The following PRDM10 variants were observed in gnomAD, a reference collection of about 807,000 sequenced individuals.
PRDM10 encodes PR/SET domain 10, also known as PR domain zinc finger protein 10.
A neutral mutation model predicts 133.1 loss-of-function variants in PRDM10; 65 were observed. The observed-to-expected ratio is 0.49, with a 90% CI of 0.40 to 0.60. The LOEUF (loss-of-function observed/expected upper bound fraction) is 0.60, where lower values mean the gene tolerates loss of function less well. PRDM10 is among the 20% of genes least tolerant of loss of function. The probability of loss-of-function intolerance (pLI) is 0.00; values close to 1 mark genes in which losing one functional copy is unlikely to be tolerated. For synonymous variants in PRDM10, 582 were observed against 580.4 expected (o/e 1.00, Z -0.04); for missense variants, 1,137 against 1,507.1 (o/e 0.75, Z 4.07).
intron 1 of PRDM10, among the ~76,000 whole-genome samples, chr11:130,000,975 T>C (rs1939331561): frequency 6.6e-6 from 1 of 152,194 alleles, no homozygotes; most frequent in Admixed American, 6.5e-5. Flanking sequence ...GGCGTGGTGG[T>C]GCACGCCTGT....
intron 1 of PRDM10, among the ~76,000 whole-genome samples, chr11:129,995,489 T>A (rs1591709129): frequency 6.6e-6 from 1 of 152,322 alleles, no homozygotes; most frequent in East Asian, 1.9e-4. Flanking sequence ...GTTAAAGGAA[T>A]GATAGCTAGT....
intron 3 of PRDM10, 57 bp from the exon 4 acceptor site, chr11:129,955,628 C>A: frequency 6.4e-7 from 1 of 1,554,054 alleles, no homozygotes; most frequent in South Asian, 1.1e-5. Flanking sequence ...CCTGCCTACA[C>A]AGAAAAATTA....
At chr11:129,998,115 C>G (rs990417365) in intron 1 of PRDM10, among the ~76,000 whole-genome samples, 3 of 151,940 alleles carry the variant, frequency 2.0e-5, no homozygotes, top group African/African-American at 7.3e-5. Flanking sequence ...TGCATTTTAC[C>G]CAGTCTATTC....
Position 129,925,232 on chromosome 11 carries a change from G to C in PRDM10, c.1531-3C>G. On this transcript the variant is annotated splice_polypyrimidine_tract_variant and splice_region_variant and intron_variant, in intron 11 of 20. Coordinates refer to ENST00000360871, the MANE Select transcript of PRDM10 (RefSeq NM_199437.2). ...AACAGATGCTGAAGAGCTGCATTCT[G>C]AAAGACATACACAAATGTGATCATT... The C allele has an allele frequency of 6.2e-7, 1 of 1,600,312 alleles. No individual in the cohort carries two copies.
chr11:129,990,522 CAAAAAAAAAAAAAA>C (rs59217112), intron 1 of PRDM10, among the ~76,000 whole-genome samples: 1 of 67,084 alleles, frequency 1.5e-5, no homozygotes, highest in Admixed American at 1.6e-4. Context: ...ACTTTGTCTC[CAAAAAAAAAAAAAA>C]AAAAAAAAAG....
In PRDM10 at chr11:129,925,007, A is replaced by G; in HGVS notation, c.1753T>C (p.Ser585Pro). The G allele has an allele frequency of 6.2e-7, 1 of 1,614,192 alleles. No individual in the cohort carries two copies. Among genetic ancestry groups the G allele is most frequent in the Non-Finnish European group, 8.5e-7 (1 of 1,180,024 alleles). ...MKLHSDQKTY[S>P]CIFCPESFDR... ...AAGGATTCTGGGCAAAAAATGCAAG[A>G]GTAAGTCTTCTGGTCTGAGTGGAGC... The change falls in exon 12 of 21, where the codon TCT becomes CCT. Residue 585 changes from serine to proline, a missense_variant. This residue lies in a region of PRDM10 where 635 missense variants were observed against 835.2 expected (regional missense o/e 0.76). Coordinates refer to ENST00000360871, the MANE Select transcript of PRDM10 (RefSeq NM_199437.2).
chr11:129,990,005 C>T (rs944918119), intron 1 of PRDM10, among the ~76,000 whole-genome samples: 4 of 151,546 alleles, frequency 2.6e-5, no homozygotes, highest in African/African-American at 9.7e-5. Flanking sequence ...GAGTTCGAGA[C>T]CAGCCTCAGC....
chr11:129,988,365 CTATT>C (rs1186547642), intron 1 of PRDM10, among the ~76,000 whole-genome samples: 2 of 151,978 alleles, frequency 1.3e-5, no homozygotes, highest in Admixed American at 1.3e-4. Context: ...AAATTTTTAT[CTATT>C]TATTTGAGAC....
intron 7 of PRDM10, 137 bp from the exon 8 acceptor site, chr11:129,937,807 T>C (rs1951080630): frequency 4.4e-6 from 3 of 676,572 alleles, no homozygotes; most frequent in East Asian, 5.9e-5. Context: ...AAGATCATGC[T>C]GTGAGCTCCC....
chr11:129,970,545 C>CT (rs35299145), intron 1 of PRDM10, among the ~76,000 whole-genome samples: 8,725 of 143,546 alleles, frequency 0.061, 549 homozygotes, highest in East Asian at 0.36. Context: ...CATACCCAAC[C>CT]TTTTTTTTTT....
chr11:129,968,248 T>C (rs1022593325), intron 1 of PRDM10, among the ~76,000 whole-genome samples: 3 of 152,222 alleles, frequency 2.0e-5, no homozygotes, highest in African/African-American at 7.2e-5. Flanking sequence ...CACGTCATTA[T>C]TGATATGGAA....
chr11:129,957,694 AATTGGTTAATTAGTTAATTGAC>A, intron 3 of PRDM10, 30 bp downstream of exon 3: 2 of 1,561,892 alleles, frequency 1.3e-6, no homozygotes, highest in Non-Finnish European at 8.7e-7. Context: ...AAACACAAGT[AATTGGTTAATTAGTTAATTGAC>A]AAATTATCAA....
rs1423759803 is a variant in PRDM10, at chr11:129,914,979, A to T, written c.2566T>A (p.Phe856Ile). Residue 856 changes from phenylalanine (F) to isoleucine (I), a missense_variant, in exon 17 of 21, where the codon TTC becomes ATC. This residue lies in a region of PRDM10 where 113 missense variants were observed against 143.7 expected (regional missense o/e 0.79). Transcript: ENST00000360871. ...TGTATGGTGTTGGAGAGCTGGGCGA[A>T]CTCTGGATGCTTCTTTCGAATGTGC... Reference protein sequence around the residue: ...VQHIRKKHPEFAQLSNTIHTP... With the variant: ...VQHIRKKHPEIAQLSNTIHTP... 3.7e-6 allele frequency: 6 copies of T among 1,606,044 alleles called. No individual in the cohort carries two copies. Among genetic ancestry groups the T allele is most frequent in the Non-Finnish European group, 5.1e-6 (6 of 1,173,182 alleles).
intron 1 of PRDM10, among the ~76,000 whole-genome samples, chr11:129,989,569 T>C (rs528603409): frequency 4.3e-4 from 65 of 152,280 alleles, no homozygotes; most frequent in African/African-American, 1.5e-3. Flanking sequence ...TTATGTGGCC[T>C]GAAAAGCTTT....
rs1555100178 is a variant in PRDM10, at chr11:129,900,348, A to AAGAAGG, written c.*1964_*1965insCCTTCT. On this transcript the variant is annotated 3_prime_UTR_variant, in exon 21 of 21. Coordinates refer to ENST00000360871, the MANE Select transcript of PRDM10 (RefSeq NM_199437.2). ...TCTTTATTTCACTTAAGGACCAAAG[A>AAGAAGG]AGAAGAAGAAGAAGAAGAAGAAGAA... 8.9e-6 allele frequency: 1 copy of AAGAAGG among 112,958 alleles called. No individual in the cohort carries two copies. Among genetic ancestry groups the AAGAAGG allele is most frequent in the African/African-American group, 4.0e-5 (1 of 24,810 alleles). The allele number at this position is 112,958 out of a possible 1,614,324, so 7.0% of individuals were successfully genotyped here. A position where few individuals can be genotyped will look rare whatever the true frequency, so the allele number is the denominator to read the frequency against.
chr11:129,999,864 C>CA (rs1284169148), intron 1 of PRDM10, among the ~76,000 whole-genome samples: 1 of 152,144 alleles, frequency 6.6e-6, no homozygotes, highest in Admixed American at 6.5e-5. Context: ...GCCCAATCAT[C>CA]AGCAAAGTCT....
chr11:129,915,722 T>C lies in PRDM10; in HGVS notation c.2464A>G (p.Thr822Ala). Residue 822 changes from threonine (T) to alanine (A), a missense_variant, in exon 16 of 21, where the codon ACG (threonine) becomes GCG (alanine). Transcript: ENST00000360871. ...DPMLSTHTQLTGTIATPPVCC... is the reference protein window; with the variant it reads ...DPMLSTHTQLAGTIATPPVCC... ...ACGGGAGGGGTGGCGATGGTGCCCGTCAGCTGGGTGTGTGTGCTCAGCATG... is the reference window on the plus strand; with the variant it reads ...ACGGGAGGGGTGGCGATGGTGCCCGCCAGCTGGGTGTGTGTGCTCAGCATG... 1 of 1,614,052 alleles carries C rather than the reference T, an allele frequency of 6.2e-7. No homozygotes were observed. The highest frequency in any genetic ancestry group is 2.2e-5 in the East Asian group (1 of 44,854).
chr11:129,981,906 A>G (rs1938133011), intron 1 of PRDM10, among the ~76,000 whole-genome samples: 1 of 151,908 alleles, frequency 6.6e-6, no homozygotes, highest in African/African-American at 2.4e-5. Context: ...CAAAAAAAGT[A>G]TAATAAATAA....
At chr11:129,935,919 T>C (rs891659842) in intron 8 of PRDM10, among the ~76,000 whole-genome samples, 2 of 152,188 alleles carry the variant, frequency 1.3e-5, no homozygotes, top group East Asian at 3.9e-4. Flanking sequence ...CTCACAAACA[T>C]ACCCAAATTT....
Sources: gnomAD v4.1 joint callset for allele counts (sites outside exome capture counted in the v4.1 genomes callset) on GRCh38, gnomAD v4.1.1 for gene constraint, gnomAD v4.1.1 regional missense constraint, MANE v1.5 for transcripts, NCBI Gene and HGNC (gene_info 2026-07-23, HGNC 2026-07-21) for gene names.